ELF1: variants seen among roughly 807,000 people sequenced by gnomAD.
ELF1 encodes the protein E74 like ETS transcription factor 1.
ELF1 carries 24 observed loss-of-function variants against 59.9 expected under a neutral mutation model. The observed-to-expected ratio is 0.40, with a 90% CI of 0.29 to 0.56. ELF1 has a LOEUF of 0.56. Ranked by LOEUF, ELF1 falls within the 20% of genes least tolerant of loss-of-function variation. The pLI, the probability that ELF1 is intolerant of heterozygous loss-of-function variation, is 0.44. For missense variants in ELF1, 627 were observed against 742.2 expected, an observed-to-expected ratio of 0.84 and a Z score of 1.80; for synonymous variants, 248 against 266.2, an observed-to-expected ratio of 0.93 and a Z score of 0.67.
intron 1 of ELF1, among the ~76,000 whole-genome samples, chr13:41,043,870 T>C (rs1291071841): frequency 6.6e-6 from 1 of 152,202 alleles, no homozygotes; most frequent in Admixed American, 6.5e-5. Flanking sequence ...TGGCACTGAA[T>C]CTATAAATTA....
At position 40,958,827 on chromosome 13, in the gene ELF1, C is replaced by T; in HGVS notation, c.253+9G>A. Reference sequence around the variant, plus strand: ...GCAGCAAGGTCCTACTGGATGGAGACACACGCACCTGTAAGGGTGATGTCA... The same window carrying T: ...GCAGCAAGGTCCTACTGGATGGAGATACACGCACCTGTAAGGGTGATGTCA... On this transcript the variant is annotated intron_variant, in intron 3 of 8. Coordinates refer to ENST00000239882, the MANE Select transcript of ELF1 (RefSeq NM_172373.4). 1 of 1,602,302 alleles carries T rather than the reference C, an allele frequency of 6.2e-7. No individual in the cohort carries two copies. Among genetic ancestry groups the T allele is most frequent in the Non-Finnish European group, 8.5e-7 (1 of 1,173,866 alleles).
At chr13:40,951,255 G>A (rs1328090350) in intron 4 of ELF1, 74 bp downstream of exon 4, 2 of 1,207,324 alleles carry the variant, frequency 1.7e-6, no homozygotes, top group Non-Finnish European at 1.2e-6. Context: ...CTAATCTCTT[G>A]ATTTTACTAA....
intron 3 of ELF1, among the ~76,000 whole-genome samples, chr13:40,957,651 C>T (rs140074062): frequency 0.052 from 7,876 of 152,218 alleles, 461 homozygotes; most frequent in East Asian, 0.24. Flanking sequence ...GTCTCCCCAG[C>T]CATGCTTCCT....
chr13:40,989,615 T>C (rs1258257829), intron 1 of ELF1, among the ~76,000 whole-genome samples: 1 of 99,808 alleles, frequency 1.0e-5, no homozygotes, highest in Non-Finnish European at 2.8e-5. Flanking sequence ...GTAATGCACA[T>C]GCATTTTACA....
At chr13:41,019,121 G>A in intron 1 of ELF1, 107 bp downstream of exon 1, 1 of 880,448 alleles carries the variant, frequency 1.1e-6, no homozygotes, top group Non-Finnish European at 1.4e-6. Flanking sequence ...TTTTATCAGA[G>A]GGTTAAAGAA....
chr13:41,056,122 A>G (rs1359892645), intron 1 of ELF1, among the ~76,000 whole-genome samples: 2 of 152,122 alleles, frequency 1.3e-5, no homozygotes, highest in African/African-American at 4.8e-5. Context: ...CAGGACTTTC[A>G]ATCACCCTAA....
intron 1 of ELF1, among the ~76,000 whole-genome samples, chr13:41,043,661 A>G (rs1876717576): frequency 6.6e-6 from 1 of 152,078 alleles, no homozygotes; most frequent in Admixed American, 6.6e-5. Context: ...CCATTGGTCT[A>G]TATCTGTTTT....
chr13:40,977,328 A>T (rs1872974438), intron 2 of ELF1, among the ~76,000 whole-genome samples: 1 of 152,160 alleles, frequency 6.6e-6, no homozygotes, highest in African/African-American at 2.4e-5. Flanking sequence ...GCTCTCCCAT[A>T]GAAGTGCTTC....
At chr13:41,051,914 TTTTC>T (rs1030592283) in intron 1 of ELF1, among the ~76,000 whole-genome samples, 38 of 151,830 alleles carry the variant, frequency 2.5e-4, no homozygotes, top group East Asian at 9.6e-4. Flanking sequence ...TTAGAATCAC[TTTTC>T]TTTCTTTCTT....
intron 2 of ELF1, among the ~76,000 whole-genome samples, chr13:40,972,437 A>C (rs1048583936): frequency 2.6e-5 from 4 of 152,232 alleles, no homozygotes; most frequent in Admixed American, 6.5e-5. Flanking sequence ...TGGATTATCA[A>C]AGGAAAAATG....
rs191931399 is a variant in ELF1, at chr13:40,972,374, A to T, written c.72+9609T>A. 3.3e-5 allele frequency among the ~76,000 whole-genome samples: 5 copies of T among 152,366 alleles called. No individual in the cohort carries two copies. The East Asian group carries it at 5.8e-4, about 18-fold the overall frequency. ...TACGGCATAAGTCCACCAGATTTTTAAAATCCTGAGTCACAAGTTTATTGG... is the reference window on the plus strand; with the variant it reads ...TACGGCATAAGTCCACCAGATTTTTTAAATCCTGAGTCACAAGTTTATTGG... On this transcript the variant is annotated intron_variant, in intron 2 of 8. Transcript: ENST00000239882.
At chr13:40,945,486 G>A (rs992094230) in intron 5 of ELF1, among the ~76,000 whole-genome samples, 3 of 151,962 alleles carry the variant, frequency 2.0e-5, no homozygotes, top group African/African-American at 7.3e-5. Context: ...CTCCCCGGTC[G>A]GCTTCTTTTT....
At chr13:40,940,476 C>T (rs1870083808) in intron 8 of ELF1, among the ~76,000 whole-genome samples, 1 of 151,306 alleles carries the variant, frequency 6.6e-6, no homozygotes, top group Non-Finnish European at 1.5e-5. Flanking sequence ...TCTTGGCCTC[C>T]CTTCCTATTT....
At chr13:41,031,186 AAAAAG>A (rs972815437) in intron 1 of ELF1, among the ~76,000 whole-genome samples, 2 of 151,838 alleles carry the variant, frequency 1.3e-5, no homozygotes, top group Non-Finnish European at 2.9e-5. Flanking sequence ...AAAGAAAGAA[AAAAAG>A]AAAAGAAAAG....
intron 3 of ELF1, among the ~76,000 whole-genome samples, chr13:40,955,868 G>A (rs1161442489): frequency 8.5e-6 from 1 of 118,296 alleles, no homozygotes; most frequent in Non-Finnish European, 1.7e-5. Context: ...GAGCCCCTCC[G>A]CCCGGCCAGC....
At chr13:41,017,804 A>C (rs1875498314) in intron 1 of ELF1, among the ~76,000 whole-genome samples, 1 of 152,188 alleles carries the variant, frequency 6.6e-6, no homozygotes, top group Non-Finnish European at 1.5e-5. Flanking sequence ...TTAAAAAAAA[A>C]AATAGAAAAG....
At chr13:40,951,457 A>G in intron 3 of ELF1, 21 bp from the exon 4 acceptor site, 1 of 1,598,878 alleles carries the variant, frequency 6.3e-7, no homozygotes, top group Non-Finnish European at 8.6e-7. Context: ...TTTAAAGAGA[A>G]AATTAAATTA....
chr13:40,972,540 GGATAATAGA>G (rs1388005022), intron 2 of ELF1, among the ~76,000 whole-genome samples: 1 of 152,102 alleles, frequency 6.6e-6, no homozygotes, highest in African/African-American at 2.4e-5. Flanking sequence ...TTACCCAGTT[GGATAATAGA>G]GATTATCCAG....
At chr13:41,014,199 G>A (rs1469945403) in intron 1 of ELF1, among the ~76,000 whole-genome samples, 1 of 152,094 alleles carries the variant, frequency 6.6e-6, no homozygotes, top group Non-Finnish European at 1.5e-5. Context: ...GGCAGAGGAG[G>A]CAGGCTCCTT....
Sources: allele counts gnomAD v4.1 joint callset (sites outside exome capture counted in the v4.1 genomes callset), GRCh38; gene constraint gnomAD v4.1.1; transcripts MANE v1.5; gene names NCBI Gene and HGNC (gene_info 2026-07-23, HGNC 2026-07-21).